Variants in LINGO2 observed in about 807,000 individuals in gnomAD.
LINGO2 encodes the protein leucine-rich repeat and immunoglobulin-like domain-containing nogo receptor-interacting protein 2.
In LINGO2, 14 loss-of-function variants were observed where a neutral mutation model predicts 30.6. The ratio of observed to expected loss-of-function variants is 0.46; its 90% CI spans 0.30 to 0.72. The LOEUF (loss-of-function observed/expected upper bound fraction) is 0.72. Among genes scored for constraint, LINGO2 ranks in the 30% least tolerant of loss-of-function variants. The pLI, the probability that LINGO2 is intolerant of heterozygous loss-of-function variation, is 0.07. For synonymous variants in LINGO2, 317 were observed against 288.5 expected (o/e 1.10, Z -1.00); for missense variants, 729 against 751.7 (o/e 0.97, Z 0.35).
intron 2 of LINGO2, among the ~76,000 whole-genome samples, chr9:28,464,704 C>T (rs187768204): frequency 1.4e-3 from 219 of 152,260 alleles, no homozygotes; most frequent in African/African-American, 4.1e-3. Flanking sequence ...AGGCCATCAT[C>T]GGCTTTTTAT....
chr9:28,756,984 A>G, the LINGO2 span, among the ~76,000 whole-genome samples: 1 of 152,086 alleles, frequency 6.6e-6, no homozygotes, highest in African/African-American at 2.4e-5. Flanking sequence ...AGATGTGTGC[A>G]AACAATAAAG....
At chr9:28,656,969 T>C in intron 1 of LINGO2, among the ~76,000 whole-genome samples, 1 of 151,978 alleles carries the variant, frequency 6.6e-6, no homozygotes, top group East Asian at 1.9e-4. Flanking sequence ...AGGAACTGAG[T>C]TCTCCAAACA....
chr9:29,112,019 T>C, the LINGO2 span, among the ~76,000 whole-genome samples: 2 of 135,056 alleles, frequency 1.5e-5, no homozygotes, highest in African/African-American at 2.7e-5. Flanking sequence ...CCCTTATACA[T>C]TGCATATGCA....
chr9:27,948,839 A>G, exon 6 of LINGO2: 1 of 1,595,730 alleles, frequency 6.3e-7, no homozygotes, highest in Non-Finnish European at 8.5e-7. Context: ...CAGTAATGTG[A>G]GGGGTGGGCC....
At chr9:28,287,696 A>G (rs1310498393) in intron 4 of LINGO2, among the ~76,000 whole-genome samples, 1 of 152,200 alleles carries the variant, frequency 6.6e-6, no homozygotes, top group Non-Finnish European at 1.5e-5. Context: ...GAAATAAAGT[A>G]GGGTAGCAGC....
chr9:28,501,883 G>T (rs552347824), intron 1 of LINGO2, among the ~76,000 whole-genome samples: 1 of 152,060 alleles, frequency 6.6e-6, no homozygotes. Context: ...AATAGCTAAG[G>T]AATGTTCAGC....
chr9:28,205,791 T>G (rs937934264), intron 4 of LINGO2, among the ~76,000 whole-genome samples: 3 of 152,078 alleles, frequency 2.0e-5, no homozygotes, highest in Non-Finnish European at 4.4e-5. Flanking sequence ...AAATCTTATC[T>G]CCATTTCCTT....
chr9:28,037,620 G>A (rs539740495), intron 4 of LINGO2, among the ~76,000 whole-genome samples: 1 of 152,200 alleles, frequency 6.6e-6, no homozygotes, highest in Non-Finnish European at 1.5e-5. Context: ...CAGCGCTTGA[G>A]CTCTTTGGAA....
chr9:28,004,055 A>G (rs557297308), intron 5 of LINGO2, among the ~76,000 whole-genome samples: 1 of 152,216 alleles, frequency 6.6e-6, no homozygotes, highest in East Asian at 1.9e-4. Flanking sequence ...TTTAAGAACA[A>G]TGAAATAATC....
the LINGO2 span, among the ~76,000 whole-genome samples, chr9:28,874,098 AAGACTT>A: frequency 6.6e-6 from 1 of 152,080 alleles, no homozygotes; most frequent in African/African-American, 2.4e-5. Context: ...CCATATCATG[AAGACTT>A]AGAAAAATAT....
chr9:29,021,110 T>A, the LINGO2 span, among the ~76,000 whole-genome samples: 1 of 152,094 alleles, frequency 6.6e-6, no homozygotes, highest in Middle Eastern at 3.2e-3. Flanking sequence ...AAACACTGAT[T>A]CATGTACAGA....
chr9:28,638,219 G>T (rs1040110441), intron 1 of LINGO2, among the ~76,000 whole-genome samples: 3 of 152,232 alleles, frequency 2.0e-5, no homozygotes, highest in Admixed American at 2.0e-4. Context: ...GATTCTTTTT[G>T]CCAGTATTTA....
At chr9:29,086,126 AT>A in the LINGO2 span, among the ~76,000 whole-genome samples, 3 of 152,160 alleles carry the variant, frequency 2.0e-5, no homozygotes, top group Non-Finnish European at 2.9e-5. Context: ...AGACAAAACA[AT>A]AAAGTAGACA....
chr9:29,160,224 G>T, the LINGO2 span, among the ~76,000 whole-genome samples: 1 of 152,158 alleles, frequency 6.6e-6, no homozygotes, highest in Non-Finnish European at 1.5e-5. Flanking sequence ...CAGAAACCAT[G>T]CTTTGAGCAC....
At chr9:28,954,476 T>C in the LINGO2 span, among the ~76,000 whole-genome samples, 1 of 152,012 alleles carries the variant, frequency 6.6e-6, no homozygotes, top group African/African-American at 2.4e-5. Context: ...GCCATTTTGT[T>C]TTTTTTTGCT....
At chr9:28,049,698 T>TA (rs1459215084) in intron 4 of LINGO2, among the ~76,000 whole-genome samples, 1 of 150,604 alleles carries the variant, frequency 6.6e-6, no homozygotes, top group East Asian at 2.0e-4. Context: ...AAGGAGGCAT[T>TA]ATAATGCCTG....
the LINGO2 span, among the ~76,000 whole-genome samples, chr9:28,910,880 T>C: frequency 2.6e-5 from 4 of 152,052 alleles, no homozygotes; most frequent in Non-Finnish European, 5.9e-5. Context: ...AAGAAAATGA[T>C]AGAAATAGAG....
intron 2 of LINGO2, among the ~76,000 whole-genome samples, chr9:28,375,806 G>A (rs1316734636): frequency 6.6e-6 from 1 of 152,162 alleles, no homozygotes; most frequent in Non-Finnish European, 1.5e-5. Context: ...AGGCTCTGTG[G>A]GTCTAGAGAT....
chr9:28,736,446 G>A, the LINGO2 span, among the ~76,000 whole-genome samples: 4 of 152,100 alleles, frequency 2.6e-5, no homozygotes, highest in Admixed American at 6.6e-5. Flanking sequence ...TCTTAGCTTC[G>A]ACTTCTTCAT....
Sources: allele counts gnomAD v4.1 joint callset (sites outside exome capture counted in the v4.1 genomes callset), GRCh38; gene constraint gnomAD v4.1.1; transcripts MANE v1.5; gene names NCBI Gene and HGNC (gene_info 2026-07-23, HGNC 2026-07-21).